Variants in SLC4A10 observed in about 807,000 individuals in gnomAD.
The protein encoded by SLC4A10 is sodium-driven chloride bicarbonate exchanger.
A neutral mutation model predicts 137.7 loss-of-function variants in SLC4A10; 42 were observed. The ratio of observed to expected loss-of-function variants is 0.30; its 90% confidence interval spans 0.24 to 0.39. The LOEUF is 0.39. Among genes scored for constraint, SLC4A10 ranks in the 10% least tolerant of loss-of-function variants. SLC4A10 has a pLI of 1.00. For synonymous variants in SLC4A10, 474 were observed against 464.1 expected (o/e 1.02, Z -0.27); for missense variants, 925 against 1,355.0 (o/e 0.68, Z 4.98).
At chr2:161,979,118 C>G (rs1284216953) in intron 26 of SLC4A10, among the ~76,000 whole-genome samples, 3 of 152,106 alleles carry the variant, frequency 2.0e-5, no homozygotes, top group Non-Finnish European at 4.4e-5. Flanking sequence ...CCTTGATGGT[C>G]AATGTGTTGA....
intron 1 of SLC4A10, among the ~76,000 whole-genome samples, chr2:161,653,492 A>T (rs2037095701): frequency 6.6e-6 from 1 of 152,192 alleles, no homozygotes; most frequent in South Asian, 2.1e-4. Context: ...ATTTTTCCAC[A>T]TCCTCTCCAG....
Position 161,686,053 on chromosome 2 carries a change from A to G in SLC4A10, c.48+61487A>G, listed in dbSNP as rs11884547. ...AAAGTGGAGCAAGGAAAATCAGAAG[A>G]GAGAAAATCAGGTAGAAGCTGAGTT... On this transcript the variant is annotated intron_variant, in intron 1 of 26. Coordinates refer to ENST00000446997, the MANE Select transcript of SLC4A10 (RefSeq NM_001178015.2). Among the ~76,000 whole-genome samples the G allele has an allele frequency of 3.5e-3, 536 of 152,338 alleles. 3 individuals are homozygous for G. The highest frequency in any genetic ancestry group is 0.012 in the African/African-American group (506 of 41,586).
chr2:161,966,898 A>G (rs1559648215), intron 23 of SLC4A10, among the ~76,000 whole-genome samples: 1 of 152,178 alleles, frequency 6.6e-6, no homozygotes, highest in Non-Finnish European at 1.5e-5. Flanking sequence ...TAGAACACAG[A>G]AATTCTAAAA....
intron 6 of SLC4A10, among the ~76,000 whole-genome samples, chr2:161,866,148 C>A (rs1165275391): frequency 6.6e-6 from 1 of 151,924 alleles, no homozygotes; most frequent in African/African-American, 2.4e-5. Context: ...CTGAAAGAGT[C>A]ATATAGAATA....
chr2:161,910,728 A>G (rs1252708103), intron 15 of SLC4A10, among the ~76,000 whole-genome samples: 1 of 151,880 alleles, frequency 6.6e-6, no homozygotes, highest in Non-Finnish European at 1.5e-5. Flanking sequence ...AAATTTTTTT[A>G]TTTTCTTTTT....
intron 2 of SLC4A10, among the ~76,000 whole-genome samples, chr2:161,788,815 C>T (rs544115420): frequency 6.6e-6 from 1 of 152,224 alleles, no homozygotes; most frequent in Admixed American, 6.5e-5. Context: ...GCCTAGGTGG[C>T]ATTGGCTCAC....
At chr2:161,786,027 C>T (rs1033703524) in intron 2 of SLC4A10, among the ~76,000 whole-genome samples, 1 of 151,642 alleles carries the variant, frequency 6.6e-6, no homozygotes, top group Non-Finnish European at 1.5e-5. Context: ...TGTTGAAGTC[C>T]TCCACTGTTA....
chr2:161,919,552 CTCT>C (rs1305018886), intron 15 of SLC4A10, among the ~76,000 whole-genome samples: 1 of 152,162 alleles, frequency 6.6e-6, no homozygotes, highest in African/African-American at 2.4e-5. Flanking sequence ...CCTCACTGGT[CTCT>C]TCTTAGCTGA....
At chr2:161,829,100 C>T (rs1285764081) in intron 3 of SLC4A10, among the ~76,000 whole-genome samples, 3 of 151,876 alleles carry the variant, frequency 2.0e-5, no homozygotes, top group Non-Finnish European at 2.9e-5. Context: ...CTTAATCCCA[C>T]CTCTTCTTGT....
At chr2:161,898,781 T>C (rs2063777682) in intron 11 of SLC4A10, among the ~76,000 whole-genome samples, 3 of 152,130 alleles carry the variant, frequency 2.0e-5, no homozygotes, top group Non-Finnish European at 4.4e-5. Flanking sequence ...CTTTACTCTG[T>C]ACCGCACTGA....
At chr2:161,862,074 A>G (rs1281955704) in intron 5 of SLC4A10, among the ~76,000 whole-genome samples, 2 of 152,236 alleles carry the variant, frequency 1.3e-5, no homozygotes, top group African/African-American at 2.4e-5. Context: ...TGTGATCTTT[A>G]TATCACTAAG....
rs564137060 is a variant in SLC4A10 at position 161,870,177 on chromosome 2, A to ATTAT, written c.767-2112_767-2109dup. On this transcript the variant is annotated intron_variant, in intron 6 of 26. Transcript: ENST00000446997. ...AAAATATTAATTATTAATTACTGTAATTATTTACAAGGAGAAATACAAGTA... is the reference window on the plus strand; with the variant it reads ...AAAATATTAATTATTAATTACTGTAATTATTTATTTACAAGGAGAAATACAAGTA... Among the ~76,000 whole-genome samples, 305 of 151,438 alleles carry ATTAT rather than the reference A, an allele frequency of 2.0e-3. 5 individuals are homozygous for ATTAT. The highest frequency in any genetic ancestry group is 0.01 in the Middle Eastern group (3 of 290).
intron 3 of SLC4A10, among the ~76,000 whole-genome samples, chr2:161,830,795 A>C (rs2058385878): frequency 6.6e-6 from 1 of 152,192 alleles, no homozygotes; most frequent in African/African-American, 2.4e-5. Context: ...TATTTCATCC[A>C]TTCTAGCAAA....
chr2:161,896,125 T>C (rs1397286796), intron 11 of SLC4A10, among the ~76,000 whole-genome samples: 1 of 152,212 alleles, frequency 6.6e-6, no homozygotes, highest in Non-Finnish European at 1.5e-5. Context: ...TTCAGCTTTC[T>C]ACATATGGCT....
intron 1 of SLC4A10, among the ~76,000 whole-genome samples, chr2:161,627,599 C>T (rs755575981): frequency 1.3e-5 from 2 of 152,086 alleles, no homozygotes; most frequent in African/African-American, 4.8e-5. Context: ...TTGAAGGATA[C>T]GGGCAGAGGA....
intron 1 of SLC4A10, among the ~76,000 whole-genome samples, chr2:161,651,836 T>G (rs1427846664): frequency 6.6e-6 from 1 of 151,930 alleles, no homozygotes; most frequent in African/African-American, 2.4e-5. Context: ...TTGGCAGGTG[T>G]GGGATCCAGG....
intron 1 of SLC4A10, among the ~76,000 whole-genome samples, chr2:161,725,421 T>A (rs960582736): frequency 4.6e-5 from 7 of 152,320 alleles, no homozygotes; most frequent in Non-Finnish European, 8.8e-5. Context: ...AGCCTTATGA[T>A]GAATGTTAGC....
chr2:161,910,931 TC>T (rs1685687353), intron 15 of SLC4A10, among the ~76,000 whole-genome samples: 1 of 151,882 alleles, frequency 6.6e-6, no homozygotes, highest in Non-Finnish European at 1.5e-5. Flanking sequence ...TAATTTTATC[TC>T]CCGTAGTCCC....
At chr2:161,938,483 G>GATT (rs1037920130) in intron 15 of SLC4A10, among the ~76,000 whole-genome samples, 1 of 150,932 alleles carries the variant, frequency 6.6e-6, no homozygotes. Context: ...GATATTTATA[G>GATT]ATTATTATTA....
Sources: gnomAD v4.1 joint callset for allele counts (sites outside exome capture counted in the v4.1 genomes callset) on GRCh38, gnomAD v4.1.1 for gene constraint, MANE v1.5 for transcripts, NCBI Gene and HGNC (gene_info 2026-07-23, HGNC 2026-07-21) for gene names.